The following MYO16 variants were observed in gnomAD, a reference collection of about 807,000 sequenced individuals.
MYO16 encodes unconventional myosin-XVI.
A neutral mutation model predicts 205.3 loss-of-function variants in MYO16; 94 were observed. The observed-to-expected ratio is 0.46, with a 90% CI of 0.39 to 0.54. MYO16 has a LOEUF of 0.54. Among genes scored for constraint, MYO16 ranks in the 20% least tolerant of loss-of-function variants. MYO16 has a pLI of 0.00. For missense variants in MYO16, 2,315 were observed against 2,387.5 expected (o/e 0.97, Z 0.63); for synonymous variants, 988 against 954.0 (o/e 1.04, Z -0.66).
intron 34 of MYO16, among the ~76,000 whole-genome samples, chr13:109,180,863 C>T (rs1249780439): frequency 6.6e-6 from 1 of 152,236 alleles, no homozygotes; most frequent in Non-Finnish European, 1.5e-5. Flanking sequence ...CCTCTGAGAT[C>T]ATGCACAGGG....
the MYO16 span, among the ~76,000 whole-genome samples, chr13:108,576,976 G>C: frequency 6.6e-6 from 1 of 152,090 alleles, no homozygotes; most frequent in East Asian, 1.9e-4. Context: ...GCCTAGGCTG[G>C]TCTTGCACTC....
At chr13:108,893,647 C>T (rs1742393639) in intron 14 of MYO16, among the ~76,000 whole-genome samples, 1 of 151,996 alleles carries the variant, frequency 6.6e-6, no homozygotes, top group Admixed American at 6.6e-5. Context: ...CTAGGTGGCC[C>T]TAAGAGGAGA....
intron 9 of MYO16, among the ~76,000 whole-genome samples, chr13:108,829,982 T>A (rs1412541685): frequency 3.5e-5 from 5 of 143,440 alleles, no homozygotes; most frequent in Non-Finnish European, 6.1e-5. Flanking sequence ...AAGAAGACAT[T>A]TATGCAGCCA....
At chr13:108,501,412 ACTCT>A in the MYO16 span, among the ~76,000 whole-genome samples, 4 of 151,566 alleles carry the variant, frequency 2.6e-5, no homozygotes, top group Non-Finnish European at 5.9e-5. Context: ...TCATCCTCTG[ACTCT>A]CTCTCATCTG....
chr13:108,978,613 CTTTA>C (rs879366943), intron 20 of MYO16, among the ~76,000 whole-genome samples: 2 of 151,764 alleles, frequency 1.3e-5, no homozygotes, highest in African/African-American at 2.4e-5. Context: ...GTTTTCTAGT[CTTTA>C]TTTATGTTCG....
At chr13:109,074,428 A>G (rs1429581674) in intron 27 of MYO16, among the ~76,000 whole-genome samples, 1 of 152,194 alleles carries the variant, frequency 6.6e-6, no homozygotes, top group Non-Finnish European at 1.5e-5. Flanking sequence ...GGCCTCAGGA[A>G]ACTTACAGTC....
At chr13:108,610,977 A>G (rs1361244805) in intron 1 of MYO16, among the ~76,000 whole-genome samples, 2 of 152,216 alleles carry the variant, frequency 1.3e-5, no homozygotes, top group Non-Finnish European at 2.9e-5. Context: ...GATGACAGGA[A>G]AGTCTTCAGT....
chr13:108,880,373 C>A (rs1879554029), intron 12 of MYO16, among the ~76,000 whole-genome samples: 1 of 152,238 alleles, frequency 6.6e-6, no homozygotes, highest in Admixed American at 6.5e-5. Flanking sequence ...TTAATTAGAT[C>A]CCATTTGTCA....
chr13:108,769,217 C>T (rs776955532), intron 4 of MYO16, among the ~76,000 whole-genome samples: 6 of 152,122 alleles, frequency 3.9e-5, no homozygotes, highest in East Asian at 3.9e-4. Context: ...AGCCCTTGGA[C>T]GAGTGGCTCT....
At chr13:108,897,368 A>T (rs560494504) in intron 14 of MYO16, among the ~76,000 whole-genome samples, 1 of 152,176 alleles carries the variant, frequency 6.6e-6, no homozygotes, top group Non-Finnish European at 1.5e-5. Context: ...GAGCTTTATC[A>T]TAGCGTTGCA....
intron 6 of MYO16, among the ~76,000 whole-genome samples, chr13:108,798,806 C>T (rs554243059): frequency 7.4e-4 from 106 of 144,018 alleles, no homozygotes; most frequent in African/African-American, 2.6e-3. Context: ...CCCGGGTTCA[C>T]GCCATTCTCC....
intron 4 of MYO16, among the ~76,000 whole-genome samples, chr13:108,780,795 G>A (rs1886276657): frequency 6.6e-6 from 1 of 152,224 alleles, no homozygotes; most frequent in Non-Finnish European, 1.5e-5. Context: ...GAGCAAGAAA[G>A]TTAGCAACTC....
intron 1 of MYO16, among the ~76,000 whole-genome samples, chr13:108,657,207 G>T (rs1881283112): frequency 6.6e-6 from 1 of 152,166 alleles, no homozygotes; most frequent in South Asian, 2.1e-4. Context: ...TCCCTCCATT[G>T]TCTAGCTCTT....
At chr13:108,940,907 A>G (rs111822758) in intron 16 of MYO16, among the ~76,000 whole-genome samples, 4,866 of 152,344 alleles carry the variant, frequency 0.032, 90 homozygotes, top group Non-Finnish European at 0.047. Context: ...TTAAGCATTT[A>G]AGAAAATTCA....
rs1450583286 is a variant in MYO16 at position 109,140,340 on chromosome 13, C to G, written c.4128C>G (p.Ser1376Arg). The stretch of plus-strand genomic sequence containing the variant: ...TTCCTCCTCGAAAGCCCAAGCGCAG[C>G]CCCAACACCAAGCTCAGCGGCTCCT... ...KKIPPRKPKRSPNTKLSGSYE... is the reference protein window; with the variant it reads ...KKIPPRKPKRRPNTKLSGSYE... Residue 1376 changes from serine to arginine, a missense_variant, in exon 32 of 35, where the codon AGC (serine) becomes AGG (arginine). Ser to Arg is a moderately radical substitution (Grantham distance 110). This residue lies in a region of MYO16 where 1,097 missense variants were observed against 1,092.0 expected (regional missense o/e 1.00). Transcript: ENST00000457511. This position sits in a 1 kb window ranked among gnomAD's most constrained non-coding sequence, Gnocchi z 8.0. 6.2e-7 allele frequency: 1 copy of G among 1,603,420 alleles called. No homozygotes were observed. Among genetic ancestry groups the G allele is most frequent in the South Asian group, 1.1e-5 (1 of 91,080 alleles).
chr13:108,987,406 T>C (rs1884679043), intron 20 of MYO16, among the ~76,000 whole-genome samples: 1 of 152,150 alleles, frequency 6.6e-6, no homozygotes, highest in Non-Finnish European at 1.5e-5. Context: ...TCTCATAGAC[T>C]AAAAAACACC....
chr13:109,026,315 C>T (rs897569823), intron 23 of MYO16, among the ~76,000 whole-genome samples: 1 of 152,060 alleles, frequency 6.6e-6, no homozygotes, highest in Non-Finnish European at 1.5e-5. Flanking sequence ...CCAAAACCTA[C>T]TCTAAAAGTT....
chr13:108,873,677 A>C (rs919188153), intron 12 of MYO16, among the ~76,000 whole-genome samples: 2 of 129,110 alleles, frequency 1.5e-5, no homozygotes, highest in African/African-American at 5.6e-5. Flanking sequence ...GACAGGGTCC[A>C]TGCCAACCAA....
At chr13:108,763,010 C>A (rs1255901252) in intron 4 of MYO16, among the ~76,000 whole-genome samples, 1 of 152,178 alleles carries the variant, frequency 6.6e-6, no homozygotes. Flanking sequence ...AAGAAAGTCT[C>A]TAATCTTTCT....
Sources: gnomAD v4.1 joint callset for allele counts (sites outside exome capture counted in the v4.1 genomes callset) on GRCh38, gnomAD v4.1.1 for gene constraint, gnomAD v4.1.1 regional missense constraint, Gnocchi (gnomAD v3.1) non-coding constraint, MANE v1.5 for transcripts, NCBI Gene and HGNC (gene_info 2026-07-23, HGNC 2026-07-21) for gene names.